Variants in KLHL32 observed in about 807,000 individuals in gnomAD.
The protein encoded by KLHL32 is kelch like family member 32.
A neutral mutation model predicts 64.8 loss-of-function variants in KLHL32; 35 were observed. The observed-to-expected ratio is 0.54, with a 90% CI of 0.41 to 0.72. The LOEUF (loss-of-function observed/expected upper bound fraction) is 0.72, where lower values mean the gene tolerates loss of function less well. Ranked by LOEUF, KLHL32 falls within the 30% of genes least tolerant of loss-of-function variation. The pLI is 0.00. For missense variants in KLHL32, 589 were observed against 768.5 expected, an observed-to-expected ratio of 0.77 and a Z score of 2.76; for synonymous variants, 259 against 281.0, an observed-to-expected ratio of 0.92 and a Z score of 0.78.
At chr6:97,131,032 A>C in intron 9 of KLHL32, 83 bp downstream of exon 9, 1 of 1,160,510 alleles carries the variant, frequency 8.6e-7, no homozygotes, top group Non-Finnish European at 1.2e-6. Flanking sequence ...TTAGGGCATC[A>C]CTAAATATTA....
intron 7 of KLHL32, among the ~76,000 whole-genome samples, chr6:97,123,229 T>C (rs1436585645): frequency 5.9e-5 from 9 of 152,194 alleles, no homozygotes; most frequent in Admixed American, 5.9e-4. Flanking sequence ...CATTGACCAG[T>C]TGTTGCTTTT....
intron 6 of KLHL32, among the ~76,000 whole-genome samples, chr6:97,090,354 A>G (rs6903245): frequency 0.03 from 4,613 of 152,298 alleles, 81 homozygotes; most frequent in East Asian, 0.071. Flanking sequence ...TAACACATTC[A>G]TTTTATATCT....
chr6:97,050,625 A>G (rs4839708), intron 4 of KLHL32, among the ~76,000 whole-genome samples: 38,699 of 152,082 alleles, frequency 0.25, 6,338 homozygotes, highest in African/African-American at 0.46. Context: ...TATTACATTA[A>G]TCTAGCATTC....
chr6:96,967,384 TA>T, intron 2 of KLHL32, among the ~76,000 whole-genome samples: 2 of 151,824 alleles, frequency 1.3e-5, no homozygotes, highest in Non-Finnish European at 2.9e-5. Flanking sequence ...GTATATCACA[TA>T]AAAAAGGAAT....
At chr6:96,997,279 C>T (rs1021391916) in intron 3 of KLHL32, among the ~76,000 whole-genome samples, 1 of 152,080 alleles carries the variant, frequency 6.6e-6, no homozygotes, top group Admixed American at 6.6e-5. Context: ...AGTGCCTGGC[C>T]CACATAGACC....
intron 4 of KLHL32, among the ~76,000 whole-genome samples, chr6:97,053,979 TAAG>T (rs1170086725): frequency 6.6e-6 from 1 of 152,136 alleles, no homozygotes; most frequent in Non-Finnish European, 1.5e-5. Context: ...ATATTCATAA[TAAG>T]GAATTCTTTT....
chr6:97,052,354 GA>G (rs1281652033), intron 4 of KLHL32, among the ~76,000 whole-genome samples: 4 of 152,174 alleles, frequency 2.6e-5, no homozygotes, highest in Admixed American at 2.6e-4. Context: ...CCAAAATAAT[GA>G]ACAACTCTTG....
chr6:96,994,418 T>G (rs531176600), intron 3 of KLHL32: 7 of 773,894 alleles, frequency 9.0e-6, no homozygotes, highest in East Asian at 1.3e-4. Context: ...ATTATTTATG[T>G]TTTTTTTCCT....
the KLHL32 span, among the ~76,000 whole-genome samples, chr6:96,898,933 G>C: frequency 6.6e-6 from 1 of 152,146 alleles, no homozygotes. Flanking sequence ...AAATGAAGTA[G>C]AGTGGATGTT....
Position 97,041,509 on chromosome 6 carries a change from T to G in KLHL32, c.222T>G (p.Cys74Trp), listed in dbSNP as rs758022671. The G allele has an allele frequency of 6.2e-7, 1 of 1,613,128 alleles. No homozygotes were observed. Among genetic ancestry groups the G allele is most frequent in the Non-Finnish European group, 8.5e-7 (1 of 1,179,112 alleles). The change falls in exon 4 of 11, where the codon TGT becomes TGG. Residue 74 changes from cysteine to tryptophan, a missense_variant. Around this residue, in one of 3 missense-constraint regions of KLHL32, gnomAD observed 191 missense variants for 223.3 expected, o/e 0.86. Transcript: ENST00000369261. ...CACCTCAGGCAATGTTCAGTCTTTG[T>G]ATGGTGGAAAGTGGAGCTGATGAGG... Reference protein sequence around the residue: ...SDYFRAMFSLCMVESGADEVN... With the variant: ...SDYFRAMFSLWMVESGADEVN...
chr6:97,126,504 TTGATTA>T, intron 7 of KLHL32, among the ~76,000 whole-genome samples: 1 of 151,942 alleles, frequency 6.6e-6, no homozygotes, highest in Non-Finnish European at 1.5e-5. Flanking sequence ...TTAGTGGTTC[TTGATTA>T]GGTGGGTCTC....
chr6:96,991,299 A>T (rs528274793), intron 3 of KLHL32, among the ~76,000 whole-genome samples: 1 of 152,100 alleles, frequency 6.6e-6, no homozygotes, highest in Non-Finnish European at 1.5e-5. Flanking sequence ...CTGCTCTGCA[A>T]TTCCAGCTGA....
intron 1 of KLHL32, among the ~76,000 whole-genome samples, chr6:96,925,234 C>A (rs1768999920): frequency 6.6e-6 from 1 of 152,188 alleles, no homozygotes; most frequent in East Asian, 1.9e-4. Context: ...TTTCTTCCCT[C>A]CCCCTGAGCC....
intron 5 of KLHL32, among the ~76,000 whole-genome samples, chr6:97,073,161 C>T (rs1036980476): frequency 6.6e-6 from 1 of 152,148 alleles, no homozygotes; most frequent in African/African-American, 2.4e-5. Context: ...CCCCTGTCTT[C>T]CCTCATTTCT....
chr6:96,966,483 A>C (rs562617292), intron 1 of KLHL32, among the ~76,000 whole-genome samples: 3 of 152,150 alleles, frequency 2.0e-5, no homozygotes, highest in Admixed American at 6.6e-5. Flanking sequence ...ACTGATTTTT[A>C]TTCTCTCTCT....
At chr6:97,025,999 A>G (rs1782672465) in intron 3 of KLHL32, among the ~76,000 whole-genome samples, 1 of 152,136 alleles carries the variant, frequency 6.6e-6, no homozygotes, top group Non-Finnish European at 1.5e-5. Context: ...CTTTCTTTTA[A>G]TGATGGAGCA....
intron 1 of KLHL32, among the ~76,000 whole-genome samples, chr6:96,955,297 C>A (rs2128016773): frequency 6.6e-6 from 1 of 152,226 alleles, no homozygotes; most frequent in Non-Finnish European, 1.5e-5. Flanking sequence ...TGAGTTTTTT[C>A]TTTGAATTGC....
intron 6 of KLHL32, among the ~76,000 whole-genome samples, chr6:97,098,348 T>G (rs1402578649): frequency 6.6e-6 from 1 of 152,204 alleles, no homozygotes; most frequent in Non-Finnish European, 1.5e-5. Context: ...GTTTTGCCTT[T>G]TTTTATTTGT....
chr6:97,089,506 C>T (rs781443222), intron 6 of KLHL32, among the ~76,000 whole-genome samples: 4 of 151,640 alleles, frequency 2.6e-5, no homozygotes, highest in Non-Finnish European at 4.4e-5. Context: ...TGGGTAGGCG[C>T]GGTGGCTTAC....
Sources: allele counts gnomAD v4.1 joint callset (sites outside exome capture counted in the v4.1 genomes callset), GRCh38; gene constraint gnomAD v4.1.1; regional missense constraint gnomAD v4.1.1; transcripts MANE v1.5; gene names NCBI Gene and HGNC (gene_info 2026-07-23, HGNC 2026-07-21).